TET2: variants seen among roughly 807,000 people sequenced by gnomAD.
The protein encoded by TET2 is methylcytosine dioxygenase TET2.
TET2 carries 299 observed loss-of-function variants against 142.9 expected under a neutral mutation model. That is an observed-to-expected ratio of 2.09 (90% CI 1.90 to 2.30). The LOEUF is 2.30. Among genes scored for constraint, TET2 ranks in the 30% most tolerant of loss-of-function variants. The pLI, the probability that TET2 is intolerant of heterozygous loss-of-function variation, is 0.00. For missense variants in TET2, 2,418 were observed against 2,378.0 expected (o/e 1.02, Z -0.35); for synonymous variants, 819 against 849.0 (o/e 0.96, Z 0.61).
At chr4:105,186,125 G>C (rs1725426784) in intron 1 of TET2, among the ~76,000 whole-genome samples, 1 of 152,102 alleles carries the variant, frequency 6.6e-6, no homozygotes, top group Non-Finnish European at 1.5e-5. Context: ...AGCCACTTGG[G>C]AGACTGAGAT....
chr4:105,163,522 T>C (rs1229463831), intron 1 of TET2, among the ~76,000 whole-genome samples: 2 of 152,192 alleles, frequency 1.3e-5, no homozygotes, highest in African/African-American at 2.4e-5. Flanking sequence ...ATAGCTACTA[T>C]TGATTAAGTT....
chr4:105,276,239 C>CA lies in TET2; in HGVS notation c.5733dup (p.His1912ThrfsTer12). Reference sequence around the variant, plus strand: ...TACCAGCATAAGAGCATGAATGAGCCAAAACATGGCTTGGCTCTTTGGGAA... The same window carrying CA: ...TACCAGCATAAGAGCATGAATGAGCCAAAAACATGGCTTGGCTCTTTGGGAA... On this transcript the variant is annotated frameshift_variant, in exon 11 of 11. Coordinates refer to ENST00000380013, the MANE Select transcript of TET2 (RefSeq NM_001127208.3). LOFTEE classifies it high-confidence loss of function. 6.4e-7 allele frequency: 1 copy of CA among 1,551,552 alleles called. No homozygotes were observed. Among genetic ancestry groups the CA allele is most frequent in the Non-Finnish European group, 8.7e-7 (1 of 1,146,956 alleles).
Position 105,276,835 on chromosome 4 carries a change from T to TGGTGGGGGGGGGGGGG in TET2, c.*317_*318insGTGGGGGGGGGGGGGG. 3 of 228,246 alleles carry TGGTGGGGGGGGGGGGG rather than the reference T, an allele frequency of 1.3e-5. No individual in the cohort carries two copies. The highest frequency in any genetic ancestry group is 2.4e-5 in the Non-Finnish European group (3 of 125,250). 14.1% of individuals were successfully genotyped at this position (228,246 alleles called of 1,614,324 possible). ...TATTGGACGAGATGATATGTAAATG[T>TGGTGGGGGGGGGGGGG]GATCCCCCCCCCCCGCTTACAACTC... On this transcript the variant is annotated 3_prime_UTR_variant, in exon 11 of 11. Coordinates refer to ENST00000380013, the MANE Select transcript of TET2 (RefSeq NM_001127208.3).
intron 2 of TET2, among the ~76,000 whole-genome samples, chr4:105,196,887 T>C (rs1284149477): frequency 6.6e-6 from 1 of 152,228 alleles, no homozygotes; most frequent in Non-Finnish European, 1.5e-5. Flanking sequence ...AGAGGTTGAC[T>C]TTGTGATCTT....
Position 105,236,291 on chromosome 4 carries a change from A to ATGTT in TET2, c.2351_2354dup (p.Phe785LeufsTer5). 1 of 1,614,120 alleles carries ATGTT rather than the reference A, an allele frequency of 6.2e-7. No homozygotes were observed. Among genetic ancestry groups the ATGTT allele is most frequent in the Non-Finnish European group, 8.5e-7 (1 of 1,180,024 alleles). On this transcript the variant is annotated frameshift_variant, in exon 3 of 11. Coordinates refer to ENST00000380013, the MANE Select transcript of TET2 (RefSeq NM_001127208.3). LOFTEE classifies it high-confidence loss of function. ...TCTTTGGCCAGACTAAAGTGGAAGA[A>ATGTT]TGTTTTCATGGTGAAAATCAGTATT...
At position 105,235,706 on chromosome 4, in the gene TET2, A is replaced by C; in HGVS notation, c.1764A>C (p.Ser588=). 2.5e-6 allele frequency: 4 copies of C among 1,614,166 alleles called. No homozygotes were observed. The highest frequency in any genetic ancestry group is 3.4e-6 in the Non-Finnish European group (4 of 1,180,016). Residue 588 remains serine, a synonymous_variant, in exon 3 of 11, where the codon TCA becomes TCC. Transcript: ENST00000380013. ...HLKRNEASLP[S]ILQYQPNLSN... is the part of the protein sequence containing the mutation. ...AACGTAATGAGGCATCACTGCCATC[A>C]ATTCTTCAGTATCAACCCAATCTCT...
chr4:105,241,683 C>A (rs1729307188), intron 4 of TET2: 17 of 1,275,450 alleles, frequency 1.3e-5, no homozygotes, highest in Non-Finnish European at 1.6e-5. Flanking sequence ...CAGGCATGAA[C>A]AGGAATCGGC....
chr4:105,276,947 G>A lies in TET2; in HGVS notation c.*428G>A, dbSNP rs995834009. On this transcript the variant is annotated 3_prime_UTR_variant, in exon 11 of 11. Transcript: ENST00000380013. ...CAAGTACTGTAGTATTACAGTGACA[G>A]GAATCTTAAAATACCATCTGGTGCT... The A allele has an allele frequency of 7.2e-5, 17 of 235,048 alleles. No individual in the cohort carries two copies. Among genetic ancestry groups the A allele is most frequent in the Admixed American group, 1.7e-4 (3 of 18,098 alleles). 14.6% of individuals were successfully genotyped at this position (235,048 alleles called of 1,614,324 possible).
At chr4:105,260,462 T>TAA (rs372854543) in intron 7 of TET2, among the ~76,000 whole-genome samples, 2 of 146,882 alleles carry the variant, frequency 1.4e-5, no homozygotes, top group Admixed American at 6.9e-5. Flanking sequence ...CATCCTAAAG[T>TAA]AAAAAAAAAA....
intron 2 of TET2, among the ~76,000 whole-genome samples, chr4:105,213,267 A>G (rs1727282639): frequency 6.6e-6 from 1 of 152,222 alleles, no homozygotes; most frequent in African/African-American, 2.4e-5. Context: ...ACACGTCAGT[A>G]TAGTTCTTTT....
In TET2 at chr4:105,195,120, T is replaced by C. The variant is rs940038286; in HGVS notation, c.-47+4615T>C. On this transcript the variant is annotated intron_variant, in intron 2 of 10. Coordinates refer to ENST00000380013, the MANE Select transcript of TET2 (RefSeq NM_001127208.3). ...CTTTGATTTTAGAACAAGTAAAGCA[T>C]GCTAAAATAGACTGCACCTTATGAA... Among the ~76,000 whole-genome samples, 6 of 152,198 alleles carry C rather than the reference T, an allele frequency of 3.9e-5. No homozygotes were observed. In the East Asian group the frequency reaches 1.2e-3, roughly 29 times the overall value.
At chr4:105,214,826 T>C (rs1308252857) in intron 2 of TET2, among the ~76,000 whole-genome samples, 2 of 152,116 alleles carry the variant, frequency 1.3e-5, no homozygotes, top group African/African-American at 4.8e-5. Flanking sequence ...CCTAAGCATC[T>C]CTTCATCTGT....
At chr4:105,229,335 A>G (rs547572242) in intron 2 of TET2, among the ~76,000 whole-genome samples, 2 of 152,142 alleles carry the variant, frequency 1.3e-5, no homozygotes, top group Non-Finnish European at 2.9e-5. Flanking sequence ...TTTTTGAGAC[A>G]GAGTCTCGCT....
In TET2 at chr4:105,237,297, T is replaced by G. The variant is rs1182812722; in HGVS notation, c.3355T>G (p.Leu1119Val). The G allele has an allele frequency of 4.3e-6, 7 of 1,614,026 alleles. No homozygotes were observed. Among genetic ancestry groups the G allele is most frequent in the Non-Finnish European group, 5.9e-6 (7 of 1,180,000 alleles). ...SKLLDTPIKN[L>V]LDTPVKTQYD... ...ATTACTAGATACTCCTATAAAAAAT[T>G]TATTGGATACACCTGTCAAGACTCA... Residue 1119 changes from leucine to valine, a missense_variant, in exon 3 of 11, where the codon TTA becomes GTA. Transcript: ENST00000380013.
At chr4:105,237,983 A>G (rs1729057073) in intron 3 of TET2, 23 of 919,502 alleles carry the variant, frequency 2.5e-5, no homozygotes, top group South Asian at 5.1e-5. Flanking sequence ...TGATACAGGC[A>G]TACCTCAGAG....
At position 105,209,390 on chromosome 4, in the gene TET2, T is replaced by C. The variant is rs377208383; in HGVS notation, c.-47+18885T>C. On this transcript the variant is annotated intron_variant, in intron 2 of 10. Transcript: ENST00000380013. ...TCAGTTCCAGTGTTGACTGAGATGC[T>C]CTGGATGAGCCTGGACTCAGAGCTC... is the stretch of plus-strand genomic sequence containing the variant. 9.2e-5 allele frequency among the ~76,000 whole-genome samples: 14 copies of C among 152,130 alleles called. No individual in the cohort carries two copies. In the South Asian group the frequency reaches 1.5e-3, roughly 16 times the overall value.
At chr4:105,200,215 CTT>C in intron 2 of TET2, among the ~76,000 whole-genome samples, 1 of 152,174 alleles carries the variant, frequency 6.6e-6, no homozygotes, top group East Asian at 1.9e-4. Context: ...TATTTTTTGA[CTT>C]TTTAATAATA....
chr4:105,259,509 T>G (rs1055435079), intron 6 of TET2, 110 bp from the exon 7 acceptor site: 1 of 1,048,742 alleles, frequency 9.5e-7, no homozygotes, highest in Admixed American at 2.9e-5. Flanking sequence ...AATACAGAGT[T>G]AGATTAGACT....
At chr4:105,208,349 A>G (rs1450073029) in intron 2 of TET2, among the ~76,000 whole-genome samples, 1 of 152,144 alleles carries the variant, frequency 6.6e-6, no homozygotes, top group South Asian at 2.1e-4. Flanking sequence ...GGTAGCAAAC[A>G]TTCATTTGTA....
Sources: gnomAD v4.1 joint callset for allele counts (sites outside exome capture counted in the v4.1 genomes callset) on GRCh38, gnomAD v4.1.1 for gene constraint, MANE v1.5 for transcripts, NCBI Gene and HGNC (gene_info 2026-07-23, HGNC 2026-07-21) for gene names.